TSPAN32: variants seen among roughly 807,000 people sequenced by gnomAD.
The protein encoded by TSPAN32 is tetraspanin 32, also known as tetraspanin-32.
In TSPAN32, 47 loss-of-function variants were observed where a neutral mutation model predicts 42.7. That is an observed-to-expected ratio of 1.10 (90% CI 0.87 to 1.40). The LOEUF (loss-of-function observed/expected upper bound fraction) is 1.40. Ranked by LOEUF, TSPAN32 falls within the 40% of genes most tolerant of loss-of-function variation. The pLI is 0.00. For missense variants in TSPAN32, 469 were observed against 424.1 expected (o/e 1.11, Z -0.93); for synonymous variants, 175 against 175.9 (o/e 0.99, Z 0.04).
chr11:2,304,757 T>C lies in TSPAN32; in HGVS notation c.279+553T>C, dbSNP rs1054584119. On this transcript the variant is annotated intron_variant, in intron 3 of 9. Coordinates refer to ENST00000182290, the MANE Select transcript of TSPAN32 (RefSeq NM_139022.3). This position sits in a 1 kb window ranked among gnomAD's most constrained non-coding sequence, Gnocchi z 4.8. ...CCATAGGCCCCTCCACCCCACCCCA[T>C]AGCAGTGGCCTCTTGTCACCCTCAT... Among the ~76,000 whole-genome samples, 1 of 144,036 alleles carries C rather than the reference T, an allele frequency of 6.9e-6. No homozygotes were observed. Among genetic ancestry groups the C allele is most frequent in the Non-Finnish European group, 1.5e-5 (1 of 65,570 alleles). 94.5% of individuals were successfully genotyped at this position (144,036 alleles called of 152,430 possible).
intron 4 of TSPAN32, chr11:2,309,307 C>A (rs754001451): frequency 3.8e-4 from 175 of 463,478 alleles, no homozygotes; most frequent in Admixed American, 6.6e-4. Flanking sequence ...GCCTCCACCC[C>A]CTCCACGGAA....
At chr11:2,315,793 G>A in intron 6 of TSPAN32, 2 of 1,307,528 alleles carry the variant, frequency 1.5e-6, no homozygotes. Context: ...CTGGGACTGT[G>A]CGGGGACCCC....
At chr11:2,309,679 A>G (rs1450754282) in intron 4 of TSPAN32, among the ~76,000 whole-genome samples, 2 of 152,216 alleles carry the variant, frequency 1.3e-5, no homozygotes, top group African/African-American at 4.8e-5. Context: ...CCTCAAACAC[A>G]GGCTTGGCCA....
chr11:2,317,402 A>G lies in TSPAN32; in HGVS notation c.778A>G (p.Thr260Ala). ...CTTGAGATGCTCCCAGGGTGGACCC[A>G]CACATTGTCTCCACTCCGAAGCAGT... ...SLLRCSQGGPTHCLHSEAVAI... is the reference protein window; with the variant it reads ...SLLRCSQGGPAHCLHSEAVAI... The change falls in exon 9 of 10, where the codon ACA becomes GCA. Residue 260 changes from threonine to alanine, a missense_variant. Coordinates refer to ENST00000182290, the MANE Select transcript of TSPAN32 (RefSeq NM_139022.3). This position sits in a 1 kb window ranked among gnomAD's most constrained non-coding sequence, Gnocchi z 6.2. 1 of 1,600,804 alleles carries G rather than the reference A, an allele frequency of 6.2e-7. No homozygotes were observed. The highest frequency in any genetic ancestry group is 1.3e-5 in the African/African-American group (1 of 74,716).
At chr11:2,312,052 C>A (rs529398570) in intron 4 of TSPAN32, among the ~76,000 whole-genome samples, 39 of 151,950 alleles carry the variant, frequency 2.6e-4, no homozygotes, top group African/African-American at 9.4e-4. Flanking sequence ...GCAGGGCAGG[C>A]AGGGCAGGCA....
chr11:2,307,847 G>T (rs1848208711), intron 3 of TSPAN32, among the ~76,000 whole-genome samples: 1 of 152,156 alleles, frequency 6.6e-6, no homozygotes, highest in South Asian at 2.1e-4. Context: ...TGGAGAGAAA[G>T]TGAGGTGAGG....
intron 5 of TSPAN32, 79 bp from the exon 6 acceptor site, chr11:2,314,406 C>A: frequency 8.7e-7 from 1 of 1,149,372 alleles, no homozygotes; most frequent in Non-Finnish European, 1.3e-6. Context: ...ACTTGTGGTG[C>A]CTCAGTTTCC....
rs1183512994 is a variant in TSPAN32 at position 2,316,545 on chromosome 11, A to G, written c.628-31A>G. ...GGGAGGGGCGCCCGCACCCTGGGGCAGTGGGGCAGCCGCGGGTGTCTCCCT... is the reference window on the plus strand; with the variant it reads ...GGGAGGGGCGCCCGCACCCTGGGGCGGTGGGGCAGCCGCGGGTGTCTCCCT... On this transcript the variant is annotated intron_variant, in intron 7 of 9. Transcript: ENST00000182290. The G allele has an allele frequency of 1.9e-6, 3 of 1,605,168 alleles. No homozygotes were observed. The Middle Eastern group carries it at 5.0e-4, about 267-fold the overall frequency.
intron 2 of TSPAN32, 145 bp from the exon 3 acceptor site, chr11:2,303,962 G>T: frequency 1.6e-6 from 1 of 613,820 alleles, no homozygotes; most frequent in Non-Finnish European, 2.9e-6. Context: ...CCTCAGGGCC[G>T]TCTGATGGAG....
chr11:2,307,767 C>CT (rs764657995), intron 3 of TSPAN32, among the ~76,000 whole-genome samples: 12 of 152,200 alleles, frequency 7.9e-5, no homozygotes, highest in South Asian at 2.1e-4. Context: ...CACTCCACGA[C>CT]TAGGGGCACG....
chr11:2,316,904 A>T lies in TSPAN32; in HGVS notation c.719+237A>T, dbSNP rs576824543. On this transcript the variant is annotated intron_variant, in intron 8 of 9. Coordinates refer to ENST00000182290, the MANE Select transcript of TSPAN32 (RefSeq NM_139022.3). ...TGGGGACCCCCCTTTGCTTACCCCCAGGCCTTACCAAGACCTGGAGATGGA... is the reference window on the plus strand; with the variant it reads ...TGGGGACCCCCCTTTGCTTACCCCCTGGCCTTACCAAGACCTGGAGATGGA... Among the ~76,000 whole-genome samples the T allele has an allele frequency of 7.0e-4, 107 of 152,198 alleles. 1 individual carries two copies. In the South Asian group the frequency reaches 0.019, roughly 27 times the overall value.
intron 3 of TSPAN32, among the ~76,000 whole-genome samples, chr11:2,305,958 G>A (rs2651819): frequency 0.86 from 130,195 of 151,972 alleles, 56,864 homozygotes; most frequent in African/African-American, 0.95. Context: ...ATGAGGGTGA[G>A]CCTATGTGTA....
chr11:2,307,571 A>C (rs1438018086), intron 3 of TSPAN32, among the ~76,000 whole-genome samples: 1 of 152,166 alleles, frequency 6.6e-6, no homozygotes, highest in Non-Finnish European at 1.5e-5. Context: ...CAGGGTTCTT[A>C]GCCTGGGTGA....
intron 6 of TSPAN32, 59 bp downstream of exon 6, chr11:2,314,630 G>C (rs1283286890): frequency 1.4e-6 from 2 of 1,423,372 alleles, no homozygotes; most frequent in Non-Finnish European, 1.9e-6. Flanking sequence ...ACACCCTGGG[G>C]CCCAACCCCA....
chr11:2,314,727 G>A, intron 6 of TSPAN32, 156 bp downstream of exon 6: 1 of 627,482 alleles, frequency 1.6e-6, no homozygotes, highest in Non-Finnish European at 2.8e-6. Flanking sequence ...AGGTTCTGAT[G>A]TGATCGGAGG....
chr11:2,313,035 G>C lies in TSPAN32; in HGVS notation c.355-619G>C, dbSNP rs1036192641. ...GAGGTCCAGGTGTTGGTGAGGTGTG[G>C]AGCGCAGGCAGCACATCCAGCCAGG... On this transcript the variant is annotated intron_variant, in intron 4 of 9. Transcript: ENST00000182290. The surrounding 1 kb of genome is among the most constrained non-coding windows in gnomAD (Gnocchi z 9.1). 3.3e-5 allele frequency among the ~76,000 whole-genome samples: 5 copies of C among 152,132 alleles called. No homozygotes were observed. The highest frequency in any genetic ancestry group is 4.8e-5 in the African/African-American group (2 of 41,442).
intron 4 of TSPAN32, 104 bp downstream of exon 4, chr11:2,308,914 G>A: frequency 1.3e-6 from 1 of 793,584 alleles, no homozygotes; most frequent in Non-Finnish European, 2.0e-6. Flanking sequence ...CCAGCTTCCA[G>A]GCTTGTGCTG....
chr11:2,302,959 G>A lies in TSPAN32; in HGVS notation c.181+1G>A. 1 of 1,612,840 alleles carries A rather than the reference G, an allele frequency of 6.2e-7. No individual in the cohort carries two copies. Among genetic ancestry groups the A allele is most frequent in the Non-Finnish European group, 8.5e-7 (1 of 1,179,308 alleles). Reference sequence around the variant, plus strand: ...CCGTACCAGGCTGTGCACCAATGGGGTAAGTGAGGTCCAGGCCTGGCTGCA... The same window carrying A: ...CCGTACCAGGCTGTGCACCAATGGGATAAGTGAGGTCCAGGCCTGGCTGCA... On this transcript the variant is annotated splice_donor_variant, in intron 2 of 9. Transcript: ENST00000182290. LOFTEE classifies it high-confidence loss of function.
intron 6 of TSPAN32, chr11:2,315,157 C>CCCAG: frequency 1.5e-6 from 1 of 687,330 alleles, no homozygotes; most frequent in Non-Finnish European, 2.0e-6. Flanking sequence ...TGCCCGGCAG[C>CCCAG]CCTCCCCCAG....
Sources: gnomAD v4.1 joint callset for allele counts (sites outside exome capture counted in the v4.1 genomes callset) on GRCh38, gnomAD v4.1.1 for gene constraint, Gnocchi (gnomAD v3.1) non-coding constraint, MANE v1.5 for transcripts, NCBI Gene and HGNC (gene_info 2026-07-23, HGNC 2026-07-21) for gene names.